The following FAM107B variants were observed in gnomAD, a reference collection of about 807,000 sequenced individuals.
FAM107B encodes protein FAM107B.
FAM107B carries 21 observed loss-of-function variants against 31.5 expected under a neutral mutation model. The ratio of observed to expected loss-of-function variants is 0.67; its 90% CI spans 0.47 to 0.96. The LOEUF (loss-of-function observed/expected upper bound fraction) is 0.96. Among genes scored for constraint, FAM107B ranks in the 40% least tolerant of loss-of-function variants. FAM107B has a pLI of 0.00. For missense variants in FAM107B, 452 were observed against 377.1 expected (o/e 1.20, Z -1.64); for synonymous variants, 157 against 141.5 (o/e 1.11, Z -0.78).
intron 1 of FAM107B, among the ~76,000 whole-genome samples, chr10:14,759,181 A>AAATAAATAAAT (rs1832991281): frequency 4.1e-5 from 6 of 144,886 alleles, no homozygotes; most frequent in Middle Eastern, 3.5e-3. Context: ...TCTGTCTCAA[A>AAATAAATAAAT]AAATAAATAA....
intron 2 of FAM107B, among the ~76,000 whole-genome samples, chr10:14,600,566 G>C (rs1000492681): frequency 6.6e-6 from 1 of 151,524 alleles, no homozygotes; most frequent in African/African-American, 2.4e-5. Context: ...TCACCAAGCA[G>C]TGCTTTCCCT....
intron 2 of FAM107B, among the ~76,000 whole-genome samples, chr10:14,623,051 C>G (rs1343676680): frequency 1.3e-5 from 2 of 152,186 alleles, no homozygotes. Context: ...TTCTCTTACC[C>G]ACACCTAATT....
intron 2 of FAM107B, among the ~76,000 whole-genome samples, chr10:14,631,248 G>A (rs1218144541): frequency 6.6e-6 from 1 of 152,100 alleles, no homozygotes; most frequent in Non-Finnish European, 1.5e-5. Flanking sequence ...CTACATCACA[G>A]TCCCCTTCCT....
rs1391544789 is a variant in FAM107B, at chr10:14,747,201, T to C, written c.411+27052A>G. Among the ~76,000 whole-genome samples, 4 of 152,230 alleles carry C rather than the reference T, an allele frequency of 2.6e-5. No individual in the cohort carries two copies. In the East Asian group the frequency reaches 7.7e-4, roughly 29 times the overall value. On this transcript the variant is annotated intron_variant, in intron 1 of 4. Transcript: ENST00000181796. ...CTGGTTAACAGCTCCTGTAATATTT[T>C]ATCGTGGTTCTTAGCTTCTTTGCAT...
chr10:14,753,729 A>G (rs1474721111), intron 1 of FAM107B, among the ~76,000 whole-genome samples: 1 of 152,212 alleles, frequency 6.6e-6, no homozygotes, highest in African/African-American at 2.4e-5. Context: ...TTCTTCCATG[A>G]GAATGATAAA....
chr10:14,547,440 CAGA>C (rs1235223963), intron 2 of FAM107B, among the ~76,000 whole-genome samples: 1 of 152,178 alleles, frequency 6.6e-6, no homozygotes, highest in Non-Finnish European at 1.5e-5. Flanking sequence ...TTTGTTTCTA[CAGA>C]AGAATATGTT....
intron 2 of FAM107B, among the ~76,000 whole-genome samples, chr10:14,633,833 C>A (rs1471709975): frequency 6.6e-6 from 1 of 152,148 alleles, no homozygotes; most frequent in Non-Finnish European, 1.5e-5. Context: ...TCTCATATTT[C>A]TTTTGCTTCC....
At chr10:14,613,788 T>C (rs1474713046) in intron 2 of FAM107B, among the ~76,000 whole-genome samples, 1 of 152,116 alleles carries the variant, frequency 6.6e-6, no homozygotes, top group African/African-American at 2.4e-5. Flanking sequence ...TAAAACAAAT[T>C]ATACAACGCT....
chr10:14,572,623 A>G (rs1054736473), intron 2 of FAM107B, among the ~76,000 whole-genome samples: 1 of 150,750 alleles, frequency 6.6e-6, no homozygotes, highest in African/African-American at 2.5e-5. Flanking sequence ...ACTCCAGAGG[A>G]TCGCTTGTAC....
At chr10:14,651,758 G>A (rs2131447687) in intron 2 of FAM107B, among the ~76,000 whole-genome samples, 1 of 152,300 alleles carries the variant, frequency 6.6e-6, no homozygotes, top group East Asian at 1.9e-4. Context: ...ATTTTAATAG[G>A]CGAATAGATA....
intron 2 of FAM107B, among the ~76,000 whole-genome samples, chr10:14,649,284 A>G (rs1470997353): frequency 6.6e-6 from 1 of 152,244 alleles, no homozygotes; most frequent in East Asian, 1.9e-4. Flanking sequence ...TTTTATCCCA[A>G]AATACATTTC....
chr10:14,557,118 G>A (rs895978334), intron 2 of FAM107B, among the ~76,000 whole-genome samples: 7 of 152,100 alleles, frequency 4.6e-5, no homozygotes, highest in African/African-American at 4.8e-5. Context: ...TCACCTTCTC[G>A]GATCAACAAT....
Position 14,770,789 on chromosome 10 carries a change from A to C in FAM107B, c.411+3464T>G, listed in dbSNP as rs530436978. 3.3e-5 allele frequency among the ~76,000 whole-genome samples: 5 copies of C among 152,268 alleles called. 1 individual carries two copies. The East Asian group carries it at 9.6e-4, about 29-fold the overall frequency. Reference sequence around the variant, plus strand: ...TTCTTCAATACAGACATGTGCGCTCATCACTAAACCAAACAAAAATGTTTC... The same window carrying C: ...TTCTTCAATACAGACATGTGCGCTCCTCACTAAACCAAACAAAAATGTTTC... On this transcript the variant is annotated intron_variant, in intron 1 of 4. Transcript: ENST00000181796.
chr10:14,673,832 T>C (rs1333545800), intron 1 of FAM107B, among the ~76,000 whole-genome samples: 1 of 152,220 alleles, frequency 6.6e-6, no homozygotes. Context: ...TGATATCTCA[T>C]TTTGGTTTTG....
intron 2 of FAM107B, among the ~76,000 whole-genome samples, chr10:14,547,916 G>A (rs1407454740): frequency 6.6e-6 from 1 of 152,212 alleles, no homozygotes; most frequent in Non-Finnish European, 1.5e-5. Flanking sequence ...GGTCTTTGGA[G>A]GATTGTCTGT....
intron 2 of FAM107B, among the ~76,000 whole-genome samples, chr10:14,551,155 C>A (rs1849225016): frequency 2.0e-5 from 3 of 152,180 alleles, no homozygotes; most frequent in African/African-American, 7.2e-5. Context: ...ATCTAAAAGT[C>A]ATTCTCTACA....
At chr10:14,631,113 G>A (rs905353120) in intron 2 of FAM107B, among the ~76,000 whole-genome samples, 2 of 152,072 alleles carry the variant, frequency 1.3e-5, no homozygotes, top group African/African-American at 4.8e-5. Context: ...TTTCTATTGG[G>A]ATAAACAGAC....
At chr10:14,682,616 T>C (rs1223948736) in intron 1 of FAM107B, among the ~76,000 whole-genome samples, 1 of 152,168 alleles carries the variant, frequency 6.6e-6, no homozygotes, top group Non-Finnish European at 1.5e-5. Flanking sequence ...CTGGAAACCA[T>C]CATTCTCAGC....
intron 2 of FAM107B, among the ~76,000 whole-genome samples, chr10:14,605,024 C>T (rs1213513317): frequency 6.6e-6 from 1 of 152,140 alleles, no homozygotes; most frequent in Non-Finnish European, 1.5e-5. Flanking sequence ...GGCAAGTCTG[C>T]GATGCTAAGA....
Sources: allele counts gnomAD v4.1 joint callset (sites outside exome capture counted in the v4.1 genomes callset), GRCh38; gene constraint gnomAD v4.1.1; transcripts MANE v1.5; gene names NCBI Gene and HGNC (gene_info 2026-07-23, HGNC 2026-07-21).